Variants in WSCD2 observed in about 807,000 individuals in gnomAD.
WSCD2 encodes WSC domain sialate O sulfotransferase 2.
A neutral mutation model predicts 55.7 loss-of-function variants in WSCD2; 28 were observed. That is an observed-to-expected ratio of 0.50 (90% CI 0.37 to 0.69). WSCD2 has a LOEUF of 0.69. Among genes scored for constraint, WSCD2 ranks in the 30% least tolerant of loss-of-function variants. The pLI is 0.00. For missense variants in WSCD2, 616 were observed against 762.1 expected (o/e 0.81, Z 2.26); for synonymous variants, 301 against 301.9 (o/e 1.00, Z 0.03).
intron 1 of WSCD2, among the ~76,000 whole-genome samples, chr12:108,166,060 A>G (rs561534146): frequency 6.6e-6 from 1 of 152,382 alleles, no homozygotes; most frequent in East Asian, 1.9e-4. Flanking sequence ...ATAGAATGGT[A>G]TTTAACACTG....
At chr12:108,218,758 T>C (rs1385513667) in intron 4 of WSCD2, among the ~76,000 whole-genome samples, 3 of 152,132 alleles carry the variant, frequency 2.0e-5, no homozygotes, top group African/African-American at 4.8e-5. Context: ...CACACTCCCA[T>C]ACGGAGATGA....
At chr12:108,146,786 G>A (rs1032921143) in intron 1 of WSCD2, among the ~76,000 whole-genome samples, 16 of 152,202 alleles carry the variant, frequency 1.1e-4, no homozygotes, top group African/African-American at 3.9e-4. Context: ...AGGTTGGCCT[G>A]GGCCCTGGCT....
At chr12:108,153,051 C>T (rs887651351) in intron 1 of WSCD2, among the ~76,000 whole-genome samples, 2 of 151,834 alleles carry the variant, frequency 1.3e-5, no homozygotes, top group East Asian at 3.9e-4. Context: ...TGCAGTGAGC[C>T]GAGATCACAC....
chr12:108,250,120 C>G lies in WSCD2; in HGVS notation c.*1777C>G, dbSNP rs1890348494. ...AATGCGAGTTTTGTTGATGATTCTA[C>G]CATGTGGTAGAGTGTTGTGTAAGAC... is the stretch of plus-strand genomic sequence containing the variant. On this transcript the variant is annotated 3_prime_UTR_variant, in exon 9 of 9. Coordinates refer to ENST00000547525, the MANE Select transcript of WSCD2 (RefSeq NM_014653.4). The G allele has an allele frequency of 6.6e-6, 1 of 151,422 alleles. No homozygotes were observed. The highest frequency in any genetic ancestry group is 6.6e-5 in the Admixed American group (1 of 15,204). The allele number at this position is 151,422 out of a possible 1,614,324, so 9.4% of individuals were successfully genotyped here. A position where few individuals can be genotyped will look rare whatever the true frequency, so the allele number is the denominator to read the frequency against.
chr12:108,211,607 A>G (rs1386486403), intron 4 of WSCD2, among the ~76,000 whole-genome samples: 1 of 148,558 alleles, frequency 6.7e-6, no homozygotes, highest in African/African-American at 2.5e-5. Context: ...TTTGCTTGAA[A>G]ATGTGTCCAG....
At chr12:108,168,116 G>A (rs1325229150) in intron 1 of WSCD2, among the ~76,000 whole-genome samples, 1 of 152,204 alleles carries the variant, frequency 6.6e-6, no homozygotes, top group Non-Finnish European at 1.5e-5. Flanking sequence ...AAAATAACAA[G>A]GTTGAAGTCA....
In WSCD2 at chr12:108,248,220, G is replaced by A; in HGVS notation, c.1575G>A (p.Lys525=). Residue 525 remains lysine (K), a synonymous_variant, in exon 9 of 9, where the codon AAG becomes AAA. Transcript: ENST00000547525. This position sits in a 1 kb window ranked among gnomAD's most constrained non-coding sequence, Gnocchi z 4.3. ...ACTTCAAGCGCTCAGGGCTCCGGAAGCTCGAGTATGACCCCTATACTGCGG... is the reference window on the plus strand; with the variant it reads ...ACTTCAAGCGCTCAGGGCTCCGGAAACTCGAGTATGACCCCTATACTGCGG... ...DGNFKRSGLR[K]LEYDPYTADM... 2.5e-6 allele frequency: 4 copies of A among 1,614,216 alleles called. No individual in the cohort carries two copies. The highest frequency in any genetic ancestry group is 3.4e-6 in the Non-Finnish European group (4 of 1,180,044).
At chr12:108,196,485 T>C (rs1883943472) in intron 2 of WSCD2, 2 of 459,238 alleles carry the variant, frequency 4.4e-6, no homozygotes, top group Non-Finnish European at 7.7e-6. Context: ...AGTCTGACTC[T>C]CCCCTGTAGC....
At chr12:108,189,115 A>G (rs1243228023) in intron 1 of WSCD2, among the ~76,000 whole-genome samples, 1 of 152,210 alleles carries the variant, frequency 6.6e-6, no homozygotes, top group Non-Finnish European at 1.5e-5. Flanking sequence ...AAAACCATTG[A>G]TATGATATGA....
chr12:108,164,726 A>G (rs1169336846), intron 1 of WSCD2, among the ~76,000 whole-genome samples: 1 of 152,146 alleles, frequency 6.6e-6, no homozygotes, highest in Non-Finnish European at 1.5e-5. Flanking sequence ...AACTTGAGGA[A>G]TGCCTTCCTT....
intron 4 of WSCD2, among the ~76,000 whole-genome samples, chr12:108,221,539 C>G (rs1887519705): frequency 6.6e-6 from 1 of 152,130 alleles, no homozygotes. Flanking sequence ...CTCTGGGTGA[C>G]CTTACAGGGC....
rs115911569 is a variant in WSCD2, at chr12:108,137,245, T to C, written c.-552+7319T>C. On this transcript the variant is annotated intron_variant, in intron 1 of 8. Transcript: ENST00000547525. ...TTAGTTTTAATTTTCACATAGCTCT[T>C]AGGTGTATCACCATCATAACTGCAT... Among the ~76,000 whole-genome samples the C allele has an allele frequency of 6.3e-3, 954 of 152,354 alleles. 16 individuals carry two copies. The highest frequency in any genetic ancestry group is 0.022 in the African/African-American group (906 of 41,582).
intron 8 of WSCD2, among the ~76,000 whole-genome samples, chr12:108,241,723 A>C (rs551443153): frequency 1.6e-3 from 238 of 152,368 alleles, no homozygotes; most frequent in African/African-American, 5.3e-3. Flanking sequence ...TACTACACAC[A>C]AAAACGAACA....
chr12:108,220,184 CA>C (rs35570435), intron 4 of WSCD2, among the ~76,000 whole-genome samples: 1,920 of 152,332 alleles, frequency 0.013, 43 homozygotes, highest in African/African-American at 0.045. Context: ...TGGCCTTGGG[CA>C]AGTCACTTCC....
At position 108,206,211 on chromosome 12, in the gene WSCD2, G is replaced by A. The variant is rs183719970; in HGVS notation, c.383-78G>A. On this transcript the variant is annotated intron_variant, in intron 2 of 8. Transcript: ENST00000547525. ...AGGTCAACAAGGTCACATAACCAGA[G>A]ACACATTGGTGAGGCTTCCTCCTGT... 11 of 1,184,438 alleles carry A rather than the reference G, an allele frequency of 9.3e-6. No individual in the cohort carries two copies. In the Admixed American group the frequency reaches 1.2e-4, roughly 13 times the overall value. The allele number at this position is 1,184,438 out of a possible 1,614,324, so 73.4% of individuals were successfully genotyped here.
chr12:108,212,977 G>A (rs1019757911), intron 4 of WSCD2, among the ~76,000 whole-genome samples: 2 of 152,168 alleles, frequency 1.3e-5, no homozygotes, highest in Non-Finnish European at 2.9e-5. Flanking sequence ...TAGCCTTGAG[G>A]CTACTAAGGC....
intron 1 of WSCD2, among the ~76,000 whole-genome samples, chr12:108,146,688 C>T (rs369221164): frequency 3.3e-5 from 5 of 152,268 alleles, no homozygotes; most frequent in African/African-American, 9.6e-5. Context: ...GGTGGGCTGG[C>T]GTCCAGGTTC....
intron 4 of WSCD2, among the ~76,000 whole-genome samples, chr12:108,223,836 C>T (rs1380198340): frequency 6.6e-6 from 1 of 152,178 alleles, no homozygotes. Context: ...GGCAAGCCAG[C>T]CCCCTTTCCT....
At chr12:108,218,944 T>G (rs539988292) in intron 4 of WSCD2, among the ~76,000 whole-genome samples, 5 of 152,186 alleles carry the variant, frequency 3.3e-5, no homozygotes, top group Admixed American at 1.3e-4. Context: ...CTTCTTATGA[T>G]GCATTTCCCC....
Sources: gnomAD v4.1 joint callset for allele counts (sites outside exome capture counted in the v4.1 genomes callset) on GRCh38, gnomAD v4.1.1 for gene constraint, Gnocchi (gnomAD v3.1) non-coding constraint, MANE v1.5 for transcripts, NCBI Gene and HGNC (gene_info 2026-07-23, HGNC 2026-07-21) for gene names.